Variants in ST18 observed in about 807,000 individuals in gnomAD.
ST18 encodes ST18 C2H2C-type zinc finger transcription factor.
In ST18, 50 loss-of-function variants were observed where a neutral mutation model predicts 110.0. The ratio of observed to expected loss-of-function variants is 0.45; its 90% CI spans 0.36 to 0.58. ST18 has a LOEUF of 0.58. Among genes scored for constraint, ST18 ranks in the 20% least tolerant of loss-of-function variants. ST18 has a pLI of 0.00. For synonymous variants in ST18, 461 were observed against 452.4 expected, an observed-to-expected ratio of 1.02 and a Z score of -0.24; for missense variants, 1,306 against 1,280.1, an observed-to-expected ratio of 1.02 and a Z score of -0.31.
At chr8:52,313,416 C>A in intron 2 of ST18, 1 of 155,148 alleles carries the variant, frequency 6.4e-6, no homozygotes, top group East Asian at 1.8e-4. Context: ...GTAAACAACT[C>A]TATTACCAGG....
At chr8:52,248,921 C>T (rs534761244) in intron 2 of ST18, among the ~76,000 whole-genome samples, 104 of 152,206 alleles carry the variant, frequency 6.8e-4, no homozygotes, top group Non-Finnish European at 1.3e-3. Context: ...GGGGCTGGGG[C>T]AATTTTACAT....
chr8:52,211,489 C>G (rs1051074474), intron 8 of ST18, among the ~76,000 whole-genome samples: 1 of 151,566 alleles, frequency 6.6e-6, no homozygotes, highest in African/African-American at 2.4e-5. Flanking sequence ...TCACTGCAAC[C>G]TCCGCTTCCC....
At chr8:52,292,191 T>C (rs373738378) in intron 2 of ST18, among the ~76,000 whole-genome samples, 2 of 152,200 alleles carry the variant, frequency 1.3e-5, no homozygotes, top group African/African-American at 4.8e-5. Context: ...TGCATTAATA[T>C]TGAAAAAACA....
At chr8:52,158,151 A>C (rs2060481212) in intron 15 of ST18, among the ~76,000 whole-genome samples, 2 of 152,214 alleles carry the variant, frequency 1.3e-5, no homozygotes, top group African/African-American at 2.4e-5. Context: ...CTTTGCTGTC[A>C]AAGGGCATGA....
At chr8:52,168,308 T>G (rs2063672365) in intron 10 of ST18, among the ~76,000 whole-genome samples, 1 of 149,994 alleles carries the variant, frequency 6.7e-6, no homozygotes, top group Non-Finnish European at 1.5e-5. Context: ...GATGCTGACG[T>G]TGGAACATGG....
intron 2 of ST18, among the ~76,000 whole-genome samples, chr8:52,361,268 C>T (rs192890640): frequency 6.6e-6 from 1 of 152,144 alleles, no homozygotes; most frequent in Admixed American, 6.5e-5. Context: ...AGAAGTGGAC[C>T]AGGGAAATAT....
At chr8:52,355,369 A>G (rs988489761) in intron 2 of ST18, among the ~76,000 whole-genome samples, 1 of 152,058 alleles carries the variant, frequency 6.6e-6, no homozygotes, top group Non-Finnish European at 1.5e-5. Flanking sequence ...CATCCTCCCA[A>G]CTGTATGCCC....
At chr8:52,163,737 C>T (rs1211068623) in intron 13 of ST18, among the ~76,000 whole-genome samples, 2 of 151,960 alleles carry the variant, frequency 1.3e-5, no homozygotes, top group Non-Finnish European at 2.9e-5. Flanking sequence ...TTAGATTCAC[C>T]CCTATTATGT....
chr8:52,248,483 A>T (rs957427863), intron 2 of ST18: 5 of 152,212 alleles, frequency 3.3e-5, no homozygotes, highest in Non-Finnish European at 5.9e-5. Context: ...ATTTACCTGA[A>T]TGTCTTGTAA....
intron 2 of ST18, among the ~76,000 whole-genome samples, chr8:52,391,294 C>A (rs1223192066): frequency 2.0e-5 from 3 of 152,082 alleles, no homozygotes; most frequent in African/African-American, 7.2e-5. Context: ...TGTGCCAGAC[C>A]AGAAAGAAGG....
chr8:52,219,539 TA>T (rs2085816237), intron 5 of ST18, among the ~76,000 whole-genome samples: 1 of 152,214 alleles, frequency 6.6e-6, no homozygotes, highest in Admixed American at 6.5e-5. Flanking sequence ...TTTGGCTCTA[TA>T]CAGAGAACTG....
At chr8:52,383,660 G>A (rs961904004) in intron 2 of ST18, among the ~76,000 whole-genome samples, 1 of 152,078 alleles carries the variant, frequency 6.6e-6, no homozygotes, top group East Asian at 1.9e-4. Context: ...TGTTGGTCAG[G>A]CTGGTCTCTA....
rs2094745909 is a variant in ST18, at chr8:52,263,037, A to G, written c.-464-32960T>C. Among the ~76,000 whole-genome samples, 4 of 152,328 alleles carry G rather than the reference A, an allele frequency of 2.6e-5. No individual in the cohort carries two copies. The South Asian group carries it at 8.3e-4, about 32-fold the overall frequency. ...GCCACCTCGACTGAAGTTGTGCCTCAGTGCTTCTGTGAAGGGCTTCTACTG... is the reference window on the plus strand; with the variant it reads ...GCCACCTCGACTGAAGTTGTGCCTCGGTGCTTCTGTGAAGGGCTTCTACTG... On this transcript the variant is annotated intron_variant, in intron 2 of 25. Transcript: ENST00000689386.
chr8:52,141,429 A>G (rs894119332), intron 17 of ST18, among the ~76,000 whole-genome samples: 1 of 152,254 alleles, frequency 6.6e-6, no homozygotes. Context: ...AAGAGGTTGC[A>G]TAGTAAATAT....
intron 23 of ST18, among the ~76,000 whole-genome samples, chr8:52,120,274 C>T (rs1227387579): frequency 6.6e-6 from 1 of 152,172 alleles, no homozygotes; most frequent in Non-Finnish European, 1.5e-5. Flanking sequence ...CTGATTTGAG[C>T]TATCGAAAAC....
Position 52,180,297 on chromosome 8 carries a change from G to A in ST18, c.102C>T (p.Cys34=), listed in dbSNP as rs758057278. 1.2e-6 allele frequency: 2 copies of A among 1,614,020 alleles called. No individual in the cohort carries two copies. The highest frequency in any genetic ancestry group is 1.7e-5 in the Admixed American group (1 of 60,008). ...LIQELSVAYD[C]SMAKKRTAED... ...CAGCTGTTCTCTTCTTTGCCATGGA[G>A]CAATCATAGGCAACACTGTAGTGAT... The change falls in exon 9 of 26, where the codon TGC becomes TGT. Residue 34 remains cysteine, a synonymous_variant. Transcript: ENST00000689386.
At chr8:52,335,062 T>C (rs536688931) in intron 2 of ST18, among the ~76,000 whole-genome samples, 1 of 152,332 alleles carries the variant, frequency 6.6e-6, no homozygotes, top group South Asian at 2.1e-4. Context: ...GCCTTAACAC[T>C]GTAGAATTTT....
At chr8:52,187,360 GAA>G (rs1372993880) in intron 8 of ST18, among the ~76,000 whole-genome samples, 1 of 152,184 alleles carries the variant, frequency 6.6e-6, no homozygotes, top group Non-Finnish European at 1.5e-5. Flanking sequence ...AGCCATTAAT[GAA>G]AGAGTCCAGA....
chr8:52,260,396 C>T (rs1207209485), intron 2 of ST18, among the ~76,000 whole-genome samples: 1 of 152,118 alleles, frequency 6.6e-6, no homozygotes, highest in Non-Finnish European at 1.5e-5. Context: ...ATTTGGTACA[C>T]AGCTCAATCA....
Sources: gnomAD v4.1 joint callset for allele counts (sites outside exome capture counted in the v4.1 genomes callset) on GRCh38, gnomAD v4.1.1 for gene constraint, MANE v1.5 for transcripts, NCBI Gene and HGNC (gene_info 2026-07-23, HGNC 2026-07-21) for gene names.